ZNF132: variants seen among roughly 807,000 people sequenced by gnomAD.
ZNF132 encodes the protein zinc finger protein 132.
Under a neutral mutation model 9.3 loss-of-function variants are expected in ZNF132, and 6 were observed. The observed-to-expected ratio is 0.65, with a 90% CI of 0.35 to 1.28. ZNF132 has a LOEUF of 1.28. ZNF132 is among the 50% of genes most tolerant of loss of function. The pLI is 0.03. For synonymous variants in ZNF132, 296 were observed against 292.0 expected (o/e 1.01, Z -0.14); for missense variants, 877 against 843.2 (o/e 1.04, Z -0.50).
At position 58,434,539 on chromosome 19, in the gene ZNF132, T is replaced by C. The variant is rs924739381; in HGVS notation, c.905A>G (p.His302Arg). Residue 302 changes from histidine to arginine, a missense_variant, in exon 3 of 3, where the codon CAC becomes CGC. Transcript: ENST00000254166. ...VCKECGKAFSHSSKLRKHQKF... is the reference protein window; with the variant it reads ...VCKECGKAFSRSSKLRKHQKF... ...CTGGTGCTTCCTCAGCTTAGATGAG[T>C]GACTAAAGGCCTTCCCACACTCCTT... 6.2e-7 allele frequency: 1 copy of C among 1,614,054 alleles called. No individual in the cohort carries two copies. Among genetic ancestry groups the C allele is most frequent in the Non-Finnish European group, 8.5e-7 (1 of 1,180,032 alleles).
intron 2 of ZNF132, 55 bp downstream of exon 2, chr19:58,436,992 G>A (rs1324892237): frequency 6.2e-7 from 1 of 1,611,432 alleles, no homozygotes; most frequent in South Asian, 1.1e-5. Flanking sequence ...AGCTTTCTAT[G>A]GGGAAAAGAC....
Position 58,434,620 on chromosome 19 carries a change from TC to T in ZNF132, c.823del (p.Glu275ArgfsTer32), listed in dbSNP as rs1396341126. 1 of 1,614,138 alleles carries T rather than the reference TC, an allele frequency of 6.2e-7. No individual in the cohort carries two copies. The highest frequency in any genetic ancestry group is 1.7e-5 in the Admixed American group (1 of 60,010). On this transcript the variant is annotated frameshift_variant, in exon 3 of 3. Coordinates refer to ENST00000254166, the MANE Select transcript of ZNF132 (RefSeq NM_003433.4). LOFTEE classifies it low-confidence loss of function (END_TRUNC). ...CTTTTTATTACCAAGGATTGATTTC[TC>T]CTCTAAGAAATTTCCACCTGTTGGG... ...TCPTGGNFLE[E>X]KSILGNKKFH... is the part of the protein sequence containing the mutation.
At chr19:58,439,182 C>T (rs562077213) in intron 1 of ZNF132, among the ~76,000 whole-genome samples, 1 of 152,306 alleles carries the variant, frequency 6.6e-6, no homozygotes, top group Admixed American at 6.5e-5. Context: ...TCCACGGGCA[C>T]CCCTCTGTCC....
chr19:58,436,540 C>T (rs1455733652), intron 2 of ZNF132, among the ~76,000 whole-genome samples: 1 of 151,710 alleles, frequency 6.6e-6, no homozygotes, highest in Non-Finnish European at 1.5e-5. Flanking sequence ...TGGTGGCAGG[C>T]ACCTGTAGTC....
intron 1 of ZNF132, 142 bp from the exon 2 acceptor site, chr19:58,437,357 T>C (rs1040584394): frequency 1.5e-5 from 15 of 1,003,486 alleles, no homozygotes; most frequent in Admixed American, 9.0e-5. Context: ...CCACAGCTTA[T>C]CTTCTTCCTC....
chr19:58,435,423 G>T (rs1158442834), intron 2 of ZNF132: 4 of 547,272 alleles, frequency 7.3e-6, no homozygotes, highest in South Asian at 5.1e-5. Context: ...CTCACCAGGG[G>T]TAAGGACACA....
chr19:58,439,743 G>A lies in ZNF132; in HGVS notation c.63+16C>T. 6.6e-7 allele frequency: 1 copy of A among 1,520,814 alleles called. No individual in the cohort carries two copies. 94.2% of individuals were successfully genotyped at this position (1,520,814 alleles called of 1,614,324 possible). On this transcript the variant is annotated intron_variant, in intron 1 of 2. Coordinates refer to ENST00000254166, the MANE Select transcript of ZNF132 (RefSeq NM_003433.4). ...GGAATCCCAGCGGGTGAGGGCCTGG[G>A]GCACACTCCACTTACCTGCGCCGGG...
Position 58,437,164 on chromosome 19 carries a change from T to C in ZNF132, c.115A>G (p.Thr39Ala), listed in dbSNP as rs1426436517. Residue 39 changes from threonine (T) to alanine (A), a missense_variant, in exon 2 of 3, where the codon ACC becomes GCC. Thr to Ala is a moderately conservative substitution (Grantham distance 58). Coordinates refer to ENST00000254166, the MANE Select transcript of ZNF132 (RefSeq NM_003433.4). ...AAGTATACAGCCACATCTTCAAAGG[T>C]TACCATGCTCTTCAATGTGGGGACA... ...SAVPTLKSMV[T>A]FEDVAVYFSQ... 2.5e-6 allele frequency: 4 copies of C among 1,613,482 alleles called. No individual in the cohort carries two copies. Among genetic ancestry groups the C allele is most frequent in the Non-Finnish European group, 3.4e-6 (4 of 1,179,776 alleles).
intron 2 of ZNF132, chr19:58,436,301 T>G (rs1327432963): frequency 1.3e-5 from 2 of 154,026 alleles, no homozygotes; most frequent in Admixed American, 1.3e-4. Context: ...TGAAAACATA[T>G]AGAAATCACT....
chr19:58,437,848 A>G, intron 1 of ZNF132: 1 of 957,162 alleles, frequency 1.0e-6, no homozygotes, highest in Non-Finnish European at 1.2e-6. Context: ...TGTTCCTTCA[A>G]CCATCAGCTG....
chr19:58,437,670 C>G (rs1166762528), intron 1 of ZNF132: 3 of 974,448 alleles, frequency 3.1e-6, no homozygotes, highest in Non-Finnish European at 3.7e-6. Flanking sequence ...TTTCCAACCC[C>G]TCCCTGTTCA....
At position 58,434,558 on chromosome 19, in the gene ZNF132, A is replaced by G. The variant is rs758152462; in HGVS notation, c.886T>C (p.Cys296Arg). The G allele has an allele frequency of 5.0e-6, 8 of 1,613,850 alleles. No homozygotes were observed. Among genetic ancestry groups the G allele is most frequent in the African/African-American group, 1.3e-5 (1 of 74,878 alleles). Reference protein sequence around the residue: ...TGEIPHVCKECGKAFSHSSKL... With the variant: ...TGEIPHVCKERGKAFSHSSKL... ...GATGAGTGACTAAAGGCCTTCCCAC[A>G]CTCCTTACACACATGGGGTATTTCC... is the stretch of plus-strand genomic sequence containing the variant. Residue 296 changes from cysteine to arginine, a missense_variant, in exon 3 of 3, where the codon TGT becomes CGT. Transcript: ENST00000254166.
At position 58,433,714 on chromosome 19, in the gene ZNF132, C is replaced by G; in HGVS notation, c.1730G>C (p.Gly577Ala). ...AATGGAGTTTTGGCTAAAGAATTTC[C>G]CACATTCATTGCACTCATAAGGCCT... Reference protein sequence around the residue: ...KERPYECNECGKFFSQNSILI... With the variant: ...KERPYECNECAKFFSQNSILI... Residue 577 changes from glycine to alanine, a missense_variant, in exon 3 of 3, where the codon GGG becomes GCG. By Grantham distance (60) the Gly-to-Ala change is moderately conservative. Coordinates refer to ENST00000254166, the MANE Select transcript of ZNF132 (RefSeq NM_003433.4). 1 of 1,612,568 alleles carries G rather than the reference C, an allele frequency of 6.2e-7. No homozygotes were observed. The highest frequency in any genetic ancestry group is 8.5e-7 in the Non-Finnish European group (1 of 1,178,608).
chr19:58,437,219 A>T lies in ZNF132; in HGVS notation c.64-4T>A. On this transcript the variant is annotated splice_polypyrimidine_tract_variant and splice_region_variant and intron_variant, in intron 1 of 2. Transcript: ENST00000254166. ...AGCCACAGGGCCAAGAAGTATGCTG[A>T]CAAAGAAACAAACAATTGGTCAAAT... 1 of 1,579,868 alleles carries T rather than the reference A, an allele frequency of 6.3e-7. No homozygotes were observed.
intron 2 of ZNF132, chr19:58,436,168 C>CA (rs2052771525): frequency 6.5e-6 from 1 of 153,554 alleles, no homozygotes; most frequent in African/African-American, 2.4e-5. Flanking sequence ...TGCCTAGGAC[C>CA]GGGGGGAAAG....
At position 58,435,219 on chromosome 19, in the gene ZNF132, T is replaced by C. The variant is rs768256969; in HGVS notation, c.233-8A>G. ...CTACTCCATGCCAAGAACCTGAAAG[T>C]AGAGAAATGCCAGTTAACTAAGAAT... On this transcript the variant is annotated splice_polypyrimidine_tract_variant and splice_region_variant and intron_variant, in intron 2 of 2. Transcript: ENST00000254166. 1.9e-6 allele frequency: 3 copies of C among 1,596,468 alleles called. No individual in the cohort carries two copies. Among genetic ancestry groups the C allele is most frequent in the Non-Finnish European group, 2.6e-6 (3 of 1,171,176 alleles).
At chr19:58,436,818 C>T in intron 2 of ZNF132, 1 of 667,988 alleles carries the variant, frequency 1.5e-6, no homozygotes, top group South Asian at 1.5e-5. Flanking sequence ...GATCCCCAAC[C>T]TTTGCCTCCA....
Position 58,434,213 on chromosome 19 carries a change from A to C in ZNF132, c.1231T>G (p.Ser411Ala). ...ATGAGAGCAGAGCTTCGGCTGAAGG[A>C]TTTACCACATTGACTGCACTCATAA... ...RPYECSQCGK[S>A]FSRSSALIQH... is the part of the protein sequence containing the mutation. Residue 411 changes from serine to alanine, a missense_variant, in exon 3 of 3, where the codon TCC becomes GCC. By Grantham distance (99) the Ser-to-Ala change is moderately conservative. Transcript: ENST00000254166. The C allele has an allele frequency of 6.2e-7, 1 of 1,613,380 alleles. No homozygotes were observed.
In ZNF132 at chr19:58,434,521, T is replaced by C. The variant is rs2052761479; in HGVS notation, c.923A>G (p.Lys308Arg). Residue 308 changes from lysine (K) to arginine (R), a missense_variant, in exon 3 of 3, where the codon AAG (lysine) becomes AGG (arginine). Transcript: ENST00000254166. ...TACTTCAGTGTGAAATTTCTGGTGC[T>C]TCCTCAGCTTAGATGAGTGACTAAA... is the stretch of plus-strand genomic sequence containing the variant. ...KAFSHSSKLR[K>R]HQKFHTEVKY... 1 of 1,614,082 alleles carries C rather than the reference T, an allele frequency of 6.2e-7. No individual in the cohort carries two copies. Among genetic ancestry groups the C allele is most frequent in the African/African-American group, 1.3e-5 (1 of 74,946 alleles).
Sources: gnomAD v4.1 joint callset for allele counts (sites outside exome capture counted in the v4.1 genomes callset) on GRCh38, gnomAD v4.1.1 for gene constraint, MANE v1.5 for transcripts, NCBI Gene and HGNC (gene_info 2026-07-23, HGNC 2026-07-21) for gene names.